The following SLC35F1 variants were observed in gnomAD, a reference collection of about 807,000 sequenced individuals.
The protein encoded by SLC35F1 is solute carrier family 35 member F1.
A neutral mutation model predicts 48.7 loss-of-function variants in SLC35F1; 14 were observed. The ratio of observed to expected loss-of-function variants is 0.29; its 90% CI spans 0.19 to 0.45. The LOEUF (loss-of-function observed/expected upper bound fraction) is 0.45, where lower values mean the gene tolerates loss of function less well. SLC35F1 is among the 20% of genes least tolerant of loss of function. The pLI is 1.00. For missense variants in SLC35F1, 404 were observed against 500.0 expected, an observed-to-expected ratio of 0.81 and a Z score of 1.83; for synonymous variants, 190 against 202.2, an observed-to-expected ratio of 0.94 and a Z score of 0.51.
intron 3 of SLC35F1, among the ~76,000 whole-genome samples, chr6:118,249,147 A>AT (rs1035522746): frequency 9.2e-5 from 14 of 152,268 alleles, no homozygotes; most frequent in African/African-American, 3.4e-4. Flanking sequence ...AGTCTATGGT[A>AT]TTTTTTTACA....
At chr6:118,145,549 G>C (rs1582692655) in intron 1 of SLC35F1, among the ~76,000 whole-genome samples, 1 of 152,100 alleles carries the variant, frequency 6.6e-6, no homozygotes, top group Non-Finnish European at 1.5e-5. Flanking sequence ...CCACATTACA[G>C]AGTAAAACAA....
Position 118,064,547 on chromosome 6 carries a change from T to C in SLC35F1, c.174-89898T>C, listed in dbSNP as rs188843804. On this transcript the variant is annotated intron_variant, in intron 1 of 7. Coordinates refer to ENST00000360388, the MANE Select transcript of SLC35F1 (RefSeq NM_001029858.4). ...TTGCAGATGACAGGACAACTGAAAGTCAAATGTAAGCAAAACCAGCTGGAC... is the reference window on the plus strand; with the variant it reads ...TTGCAGATGACAGGACAACTGAAAGCCAAATGTAAGCAAAACCAGCTGGAC... Among the ~76,000 whole-genome samples, 137 of 152,240 alleles carry C rather than the reference T, an allele frequency of 9.0e-4. 1 individual carries two copies. The highest frequency in any genetic ancestry group is 3.0e-3 in the African/African-American group (125 of 41,554).
intron 7 of SLC35F1, among the ~76,000 whole-genome samples, chr6:118,297,649 A>ATG: frequency 1.1e-5 from 1 of 93,178 alleles, no homozygotes; most frequent in Non-Finnish European, 2.2e-5. Flanking sequence ...AAAAATATAT[A>ATG]TATAATATAT....
chr6:118,266,440 CT>C (rs1405613472), intron 3 of SLC35F1, among the ~76,000 whole-genome samples: 6 of 151,888 alleles, frequency 4.0e-5, no homozygotes, highest in Non-Finnish European at 8.8e-5. Context: ...ATTTAGAGCA[CT>C]TTTTTATTTT....
At chr6:118,208,114 C>T (rs55776632) in intron 2 of SLC35F1, among the ~76,000 whole-genome samples, 9,884 of 127,802 alleles carry the variant, frequency 0.077, 596 homozygotes, top group African/African-American at 0.19. Context: ...CACACACGCG[C>T]GCGCGCGATC....
intron 1 of SLC35F1, among the ~76,000 whole-genome samples, chr6:118,088,824 G>A (rs1475988408): frequency 1.3e-5 from 2 of 152,104 alleles, no homozygotes; most frequent in Non-Finnish European, 2.9e-5. Context: ...GAGAAAAGGA[G>A]GGTTTTTCCT....
intron 1 of SLC35F1, among the ~76,000 whole-genome samples, chr6:118,041,667 A>T (rs187842028): frequency 6.6e-6 from 1 of 152,178 alleles, no homozygotes; most frequent in Non-Finnish European, 1.5e-5. Context: ...AGATAGAGAA[A>T]GGCCCCTTTG....
chr6:118,310,046 TA>T (rs1776355421), intron 7 of SLC35F1, among the ~76,000 whole-genome samples: 1 of 152,246 alleles, frequency 6.6e-6, no homozygotes, highest in Non-Finnish European at 1.5e-5. Context: ...ATGATCCTGT[TA>T]ATATAGGATG....
intron 2 of SLC35F1, among the ~76,000 whole-genome samples, chr6:118,200,159 TATACATACATACATACATACATAC>T (rs71012386): frequency 1.4e-5 from 2 of 147,296 alleles, no homozygotes; most frequent in Non-Finnish European, 3.0e-5. Flanking sequence ...TACATACATA[TATACATACATACATACATACATAC>T]ATACATACAT....
intron 1 of SLC35F1, among the ~76,000 whole-genome samples, chr6:117,962,459 A>C (rs189650741): frequency 5.1e-4 from 77 of 152,290 alleles, no homozygotes; most frequent in Admixed American, 4.9e-3. Flanking sequence ...TAAAAATGCA[A>C]GTCCTTGAAC....
At chr6:118,300,468 T>A (rs898800222) in intron 7 of SLC35F1, among the ~76,000 whole-genome samples, 1 of 152,204 alleles carries the variant, frequency 6.6e-6, no homozygotes. Context: ...GCTAAAACAC[T>A]ATATGAACAT....
At chr6:117,917,343 G>C (rs1775839610) in intron 1 of SLC35F1, among the ~76,000 whole-genome samples, 1 of 150,762 alleles carries the variant, frequency 6.6e-6, no homozygotes, top group South Asian at 2.1e-4. Flanking sequence ...TTAAGCAGAG[G>C]AGTTGTCTGG....
intron 1 of SLC35F1, among the ~76,000 whole-genome samples, chr6:118,144,214 A>G (rs868816363): frequency 6.6e-6 from 1 of 152,236 alleles, no homozygotes; most frequent in Non-Finnish European, 1.5e-5. Flanking sequence ...TAGACTGGAT[A>G]AAGAAAATGT....
chr6:117,933,590 A>C (rs563599027), intron 1 of SLC35F1, among the ~76,000 whole-genome samples: 2 of 151,288 alleles, frequency 1.3e-5, no homozygotes, highest in Non-Finnish European at 2.9e-5. Flanking sequence ...GAAATTTTAG[A>C]AAAAAAAAGG....
chr6:118,009,023 A>T (rs927805426), intron 1 of SLC35F1, among the ~76,000 whole-genome samples: 3 of 151,926 alleles, frequency 2.0e-5, no homozygotes, highest in Admixed American at 2.0e-4. Flanking sequence ...TTGTGTTGAT[A>T]CTCGTGTACT....
intron 4 of SLC35F1, among the ~76,000 whole-genome samples, chr6:118,269,083 G>A (rs1327518676): frequency 1.3e-5 from 2 of 152,128 alleles, no homozygotes; most frequent in Non-Finnish European, 2.9e-5. Context: ...TTTAAGCCTA[G>A]AATGTTAAGC....
chr6:118,223,751 T>C (rs528885058), intron 2 of SLC35F1, among the ~76,000 whole-genome samples: 3 of 152,320 alleles, frequency 2.0e-5, no homozygotes, highest in Admixed American at 1.3e-4. Flanking sequence ...TAATTTCCCA[T>C]GTTGGTTCTA....
chr6:118,051,431 G>T (rs1464099078), intron 1 of SLC35F1, among the ~76,000 whole-genome samples: 2 of 152,148 alleles, frequency 1.3e-5, no homozygotes, highest in Non-Finnish European at 2.9e-5. Flanking sequence ...TGCAATGAGT[G>T]TGATTCTTGC....
chr6:118,078,452 A>C (rs1474599096), intron 1 of SLC35F1, among the ~76,000 whole-genome samples: 1 of 152,194 alleles, frequency 6.6e-6, no homozygotes, highest in African/African-American at 2.4e-5. Flanking sequence ...TATATACTCT[A>C]TTGCCATTTC....
Sources: gnomAD v4.1 joint callset for allele counts (sites outside exome capture counted in the v4.1 genomes callset) on GRCh38, gnomAD v4.1.1 for gene constraint, MANE v1.5 for transcripts, NCBI Gene and HGNC (gene_info 2026-07-23, HGNC 2026-07-21) for gene names.